The following TMPRSS11D variants were observed in gnomAD, a reference collection of about 807,000 sequenced individuals.
TMPRSS11D encodes transmembrane protease serine 11D.
Under a neutral mutation model 44.4 loss-of-function variants are expected in TMPRSS11D, and 32 were observed. The ratio of observed to expected loss-of-function variants is 0.72; its 90% confidence interval spans 0.54 to 0.97. The LOEUF is 0.97. Ranked by LOEUF, TMPRSS11D falls within the 50% of genes least tolerant of loss-of-function variation. The pLI is 0.00. For synonymous variants in TMPRSS11D, 179 were observed against 177.9 expected, an observed-to-expected ratio of 1.01 and a Z score of -0.05; for missense variants, 446 against 502.6, an observed-to-expected ratio of 0.89 and a Z score of 1.08.
At chr4:67,826,673 T>G (rs918112895) in intron 8 of TMPRSS11D, among the ~76,000 whole-genome samples, 3 of 151,242 alleles carry the variant, frequency 2.0e-5, no homozygotes, top group African/African-American at 7.3e-5. Context: ...ATCCTCCCAT[T>G]GCTTTGGGAG....
At chr4:67,827,665 C>A in intron 7 of TMPRSS11D, 145 bp from the exon 8 acceptor site, 1 of 905,676 alleles carries the variant, frequency 1.1e-6, no homozygotes, top group Non-Finnish European at 1.6e-6. Context: ...TATAAGCTGG[C>A]AAGTGAGTTT....
intron 3 of TMPRSS11D, among the ~76,000 whole-genome samples, chr4:67,846,940 C>G (rs932572485): frequency 2.0e-5 from 3 of 150,526 alleles, no homozygotes; most frequent in Non-Finnish European, 4.4e-5. Flanking sequence ...GAGTCTCACT[C>G]TGTTGCCCAG....
chr4:67,873,088 G>C (rs776111344), intron 1 of TMPRSS11D, among the ~76,000 whole-genome samples: 6 of 152,130 alleles, frequency 3.9e-5, no homozygotes, highest in African/African-American at 7.2e-5. Flanking sequence ...AAAGCCTAGA[G>C]AAAACTTCAT....
At chr4:67,834,292 A>T (rs1184988919) in intron 6 of TMPRSS11D, among the ~76,000 whole-genome samples, 1 of 152,186 alleles carries the variant, frequency 6.6e-6, no homozygotes, top group African/African-American at 2.4e-5. Flanking sequence ...TCCTGGATAA[A>T]GGAGGACCAG....
At chr4:67,844,103 C>A (rs137864707) in intron 3 of TMPRSS11D, among the ~76,000 whole-genome samples, 28 of 152,236 alleles carry the variant, frequency 1.8e-4, no homozygotes, top group African/African-American at 6.5e-4. Flanking sequence ...ATTGTGGTTT[C>A]ATTGAGAAGA....
At chr4:67,833,085 T>G in intron 7 of TMPRSS11D, 119 bp downstream of exon 7, 1 of 1,002,906 alleles carries the variant, frequency 1.0e-6, no homozygotes. Flanking sequence ...AAGAAAATTC[T>G]TACTGATTTT....
intron 6 of TMPRSS11D, among the ~76,000 whole-genome samples, chr4:67,834,551 A>G (rs1258573788): frequency 1.3e-5 from 2 of 152,082 alleles, no homozygotes; most frequent in Non-Finnish European, 2.9e-5. Context: ...TTTTCTAGGG[A>G]TTGCATTTCT....
At chr4:67,830,746 TC>T (rs1717924868) in intron 7 of TMPRSS11D, among the ~76,000 whole-genome samples, 1 of 152,090 alleles carries the variant, frequency 6.6e-6, no homozygotes, top group Admixed American at 6.6e-5. Flanking sequence ...TTCCTTTCCT[TC>T]TTTCCAGCAA....
At chr4:67,829,372 A>G (rs1034941163) in intron 7 of TMPRSS11D, among the ~76,000 whole-genome samples, 7 of 151,384 alleles carry the variant, frequency 4.6e-5, no homozygotes, top group Non-Finnish European at 7.4e-5. Flanking sequence ...CCCCTCATAT[A>G]TAGGTATATG....
intron 1 of TMPRSS11D, among the ~76,000 whole-genome samples, chr4:67,880,454 G>A (rs1267422733): frequency 6.6e-6 from 1 of 151,890 alleles, no homozygotes; most frequent in Non-Finnish European, 1.5e-5. Context: ...TTTTAATTGG[G>A]GATAGTATGG....
At chr4:67,883,854 T>G in intron 1 of TMPRSS11D, 72 bp downstream of exon 1, 1 of 1,332,438 alleles carries the variant, frequency 7.5e-7, no homozygotes, top group Non-Finnish European at 1.0e-6. Flanking sequence ...TTTGCTAAGC[T>G]TCTTTATATT....
chr4:67,879,946 ATAT>A (rs1047187375), intron 1 of TMPRSS11D, among the ~76,000 whole-genome samples: 2 of 152,230 alleles, frequency 1.3e-5, no homozygotes, highest in African/African-American at 4.8e-5. Flanking sequence ...TTACAAAGAA[ATAT>A]TATACAGCTA....
intron 1 of TMPRSS11D, among the ~76,000 whole-genome samples, chr4:67,875,792 T>C (rs751762918): frequency 6.6e-6 from 1 of 152,232 alleles, no homozygotes; most frequent in Non-Finnish European, 1.5e-5. Flanking sequence ...ACAACTCAAA[T>C]AATGTCTGGC....
intron 1 of TMPRSS11D, among the ~76,000 whole-genome samples, chr4:67,870,155 T>C (rs1167877990): frequency 6.6e-6 from 1 of 152,224 alleles, no homozygotes; most frequent in Non-Finnish European, 1.5e-5. Flanking sequence ...ATTTTTATAG[T>C]GAACATGTTT....
chr4:67,823,391 C>T (rs943888914), intron 9 of TMPRSS11D, among the ~76,000 whole-genome samples: 4 of 152,032 alleles, frequency 2.6e-5, no homozygotes, highest in Non-Finnish European at 5.9e-5. Context: ...ATGTTCTGCA[C>T]GATGGATTAA....
At chr4:67,873,191 T>C (rs753690099) in intron 1 of TMPRSS11D, among the ~76,000 whole-genome samples, 81 of 152,326 alleles carry the variant, frequency 5.3e-4, no homozygotes, top group Non-Finnish European at 7.4e-4. Flanking sequence ...CCCGAACTGA[T>C]GAAACAGCCC....
At chr4:67,868,128 A>G (rs1406629887) in intron 1 of TMPRSS11D, among the ~76,000 whole-genome samples, 1 of 151,054 alleles carries the variant, frequency 6.6e-6, no homozygotes, top group African/African-American at 2.5e-5. Flanking sequence ...CTCAACCATA[A>G]AAGGAATAAA....
At chr4:67,852,843 A>G (rs1440115488) in intron 3 of TMPRSS11D, among the ~76,000 whole-genome samples, 1 of 152,204 alleles carries the variant, frequency 6.6e-6, no homozygotes, top group African/African-American at 2.4e-5. Flanking sequence ...ATAAAAATGG[A>G]ATGGATATGG....
intron 3 of TMPRSS11D, among the ~76,000 whole-genome samples, chr4:67,847,126 A>G (rs967214606): frequency 1.3e-5 from 2 of 151,472 alleles, no homozygotes; most frequent in African/African-American, 2.4e-5. Flanking sequence ...CTGGTCTTGA[A>G]CTCCTGACCT....
Sources: gnomAD v4.1 joint callset for allele counts (sites outside exome capture counted in the v4.1 genomes callset) on GRCh38, gnomAD v4.1.1 for gene constraint, MANE v1.5 for transcripts, NCBI Gene and HGNC (gene_info 2026-07-23, HGNC 2026-07-21) for gene names.